The following FGD6 variants were observed in gnomAD, a reference collection of about 807,000 sequenced individuals.
FGD6 encodes the protein FYVE, RhoGEF and PH domain containing 6, also known as FYVE, RhoGEF and PH domain-containing protein 6.
FGD6 carries 90 observed loss-of-function variants against 149.4 expected under a neutral mutation model. The observed-to-expected ratio is 0.60, with a 90% CI of 0.51 to 0.72. FGD6 has a LOEUF of 0.72. FGD6 is among the 30% of genes least tolerant of loss of function. The pLI, the probability that FGD6 is intolerant of heterozygous loss-of-function variation, is 0.00. For missense variants in FGD6, 1,437 were observed against 1,684.8 expected (o/e 0.85, Z 2.57); for synonymous variants, 527 against 584.0 (o/e 0.90, Z 1.41).
chr12:95,094,902 A>G (rs577997632), intron 14 of FGD6, among the ~76,000 whole-genome samples: 4 of 152,350 alleles, frequency 2.6e-5, no homozygotes, highest in African/African-American at 7.2e-5. Context: ...AGCAAATACA[A>G]TGCTTATTTT....
rs548818274 is a variant in FGD6 at position 95,211,830 on chromosome 12, G to A, written c.17-563C>T. On this transcript the variant is annotated intron_variant, in intron 1 of 20. Coordinates refer to ENST00000343958, the MANE Select transcript of FGD6 (RefSeq NM_018351.4). ...TGGGATTATAGGCGTGAGCCACCGCGCCCAGCCCATCATATCTTTCATTGA... is the reference window on the plus strand; with the variant it reads ...TGGGATTATAGGCGTGAGCCACCGCACCCAGCCCATCATATCTTTCATTGA... Among the ~76,000 whole-genome samples, 207 of 152,192 alleles carry A rather than the reference G, an allele frequency of 1.4e-3. 1 individual carries two copies. Among genetic ancestry groups the A allele is most frequent in the African/African-American group, 4.8e-3 (198 of 41,538 alleles).
intron 14 of FGD6, among the ~76,000 whole-genome samples, chr12:95,097,818 C>G (rs1565894953): frequency 6.6e-6 from 1 of 152,076 alleles, no homozygotes; most frequent in Admixed American, 6.6e-5. Context: ...CAAAATATAC[C>G]TCACTTGTAA....
rs1004239170 is a variant in FGD6, at chr12:95,107,479, G to A, written c.3333+84C>T. ...TGAGGCTGATATTTGAAGGTGCTAA[G>A]CTTATCTACCATGTATAAACGTCTC... On this transcript the variant is annotated intron_variant, in intron 12 of 20. Coordinates refer to ENST00000343958, the MANE Select transcript of FGD6 (RefSeq NM_018351.4). 2.2e-6 allele frequency: 3 copies of A among 1,346,666 alleles called. No homozygotes were observed. The African/African-American group carries it at 4.3e-5, about 19-fold the overall frequency. 83.4% of individuals were successfully genotyped at this position (1,346,666 alleles called of 1,614,324 possible). A position where few individuals can be genotyped will look rare whatever the true frequency, so the allele number is the denominator to read the frequency against.
intron 14 of FGD6, among the ~76,000 whole-genome samples, chr12:95,102,466 A>AAAAAC (rs1565896336): frequency 7.3e-6 from 1 of 137,430 alleles, no homozygotes; most frequent in Non-Finnish European, 1.6e-5. Context: ...AAAAAAAAAA[A>AAAAAC]ACACAACAAC....
intron 3 of FGD6, among the ~76,000 whole-genome samples, chr12:95,169,017 A>G: frequency 6.6e-6 from 1 of 152,200 alleles, no homozygotes; most frequent in East Asian, 1.9e-4. Flanking sequence ...TATTAGTGCT[A>G]TTGTTGTCTC....
intron 2 of FGD6, among the ~76,000 whole-genome samples, chr12:95,206,906 C>T (rs4762279): frequency 0.88 from 133,888 of 152,058 alleles, 59,264 homozygotes; most frequent in African/African-American, 0.96. Context: ...TATGAGAATA[C>T]CTGACAGTTA....
intron 18 of FGD6, 128 bp downstream of exon 18, chr12:95,089,441 C>T: frequency 8.5e-7 from 1 of 1,171,462 alleles, no homozygotes; most frequent in Non-Finnish European, 1.2e-6. Flanking sequence ...CATCCATCAT[C>T]AGTATTAAAA....
At chr12:95,167,037 A>G (rs1880839212) in intron 3 of FGD6, among the ~76,000 whole-genome samples, 1 of 151,928 alleles carries the variant, frequency 6.6e-6, no homozygotes, top group African/African-American at 2.4e-5. Flanking sequence ...ATGTACTTTT[A>G]GTAGAGACGG....
In FGD6 at chr12:95,079,180, T is replaced by C. The variant is rs1877589247; in HGVS notation, c.*2340A>G. 6.6e-6 allele frequency: 1 copy of C among 152,248 alleles called. No individual in the cohort carries two copies. The highest frequency in any genetic ancestry group is 6.5e-5 in the Admixed American group (1 of 15,286). 9.4% of individuals were successfully genotyped at this position (152,248 alleles called of 1,614,324 possible). A position where few individuals can be genotyped will look rare whatever the true frequency, so the allele number is the denominator to read the frequency against. On this transcript the variant is annotated 3_prime_UTR_variant, in exon 21 of 21. Coordinates refer to ENST00000343958, the MANE Select transcript of FGD6 (RefSeq NM_018351.4). ...AAGGACTCATAAAGGGGCAGGGGAATGTAATACTATTCCACATTTAAAACA... is the reference window on the plus strand; with the variant it reads ...AAGGACTCATAAAGGGGCAGGGGAACGTAATACTATTCCACATTTAAAACA...
chr12:95,205,612 G>C (rs906814794), intron 2 of FGD6, among the ~76,000 whole-genome samples: 2 of 152,208 alleles, frequency 1.3e-5, no homozygotes, highest in Admixed American at 6.5e-5. Context: ...TTTCAACAGC[G>C]AGATTACCAA....
At chr12:95,102,698 G>A (rs1291817560) in intron 14 of FGD6, among the ~76,000 whole-genome samples, 2 of 152,126 alleles carry the variant, frequency 1.3e-5, no homozygotes, top group African/African-American at 2.4e-5. Flanking sequence ...CAGAGGAGTA[G>A]CACACCCCAG....
intron 2 of FGD6, among the ~76,000 whole-genome samples, chr12:95,202,487 C>T (rs917361388): frequency 6.6e-6 from 1 of 152,006 alleles, no homozygotes; most frequent in African/African-American, 2.4e-5. Context: ...GGACAAAATA[C>T]TGCAATTTAA....
At chr12:95,125,935 A>G in intron 8 of FGD6, 1 of 1,456,524 alleles carries the variant, frequency 6.9e-7, no homozygotes, top group African/African-American at 1.4e-5. Context: ...CAGCTCACTG[A>G]TTTCATCCTC....
intron 12 of FGD6, 63 bp downstream of exon 12, chr12:95,107,500 G>A (rs895937365): frequency 4.6e-6 from 7 of 1,531,230 alleles, no homozygotes; most frequent in African/African-American, 2.7e-5. Flanking sequence ...ATGTATAAAC[G>A]TCTCCTTTCC....
At chr12:95,159,045 A>G (rs551722277) in intron 3 of FGD6, among the ~76,000 whole-genome samples, 69 of 152,308 alleles carry the variant, frequency 4.5e-4, no homozygotes, top group Admixed American at 3.9e-4. Context: ...ATGCAGGCAC[A>G]CTATAGATGT....
chr12:95,208,261 ATTTT>A (rs201801853), intron 2 of FGD6, among the ~76,000 whole-genome samples: 1 of 151,546 alleles, frequency 6.6e-6, no homozygotes, highest in East Asian at 1.9e-4. Context: ...CAAAAAAAAA[ATTTT>A]TTTTTAATTA....
rs796661378 is a variant in FGD6, at chr12:95,168,033, T to TA, written c.2586+4566dup. On this transcript the variant is annotated intron_variant, in intron 3 of 20. Coordinates refer to ENST00000343958, the MANE Select transcript of FGD6 (RefSeq NM_018351.4). The stretch of plus-strand genomic sequence containing the variant: ...TTATATGTTGACAACCTGATTTCTT[T>TA]AAAAAAAACATTTTGACTTTTTGTA... 1.8e-3 allele frequency among the ~76,000 whole-genome samples: 267 copies of TA among 148,886 alleles called. 1 individual carries two copies. Among genetic ancestry groups the TA allele is most frequent in the African/African-American group, 6.2e-3 (250 of 40,058 alleles).
chr12:95,130,559 C>T (rs534576372), intron 8 of FGD6, among the ~76,000 whole-genome samples: 2 of 152,236 alleles, frequency 1.3e-5, no homozygotes, highest in South Asian at 4.1e-4. Context: ...TTGAAAGATG[C>T]AAATTTAAGA....
At chr12:95,089,814 T>C (rs1565892639) in intron 17 of FGD6, 118 bp from the exon 18 acceptor site, 3 of 1,306,850 alleles carry the variant, frequency 2.3e-6, no homozygotes, top group South Asian at 1.4e-5. Flanking sequence ...AGAAACAACA[T>C]TGATAACTCC....
Sources: gnomAD v4.1 joint callset for allele counts (sites outside exome capture counted in the v4.1 genomes callset) on GRCh38, gnomAD v4.1.1 for gene constraint, MANE v1.5 for transcripts, NCBI Gene and HGNC (gene_info 2026-07-23, HGNC 2026-07-21) for gene names.